Variants in COL7A1 observed in about 807,000 individuals in gnomAD.
COL7A1 encodes the protein collagen alpha-1(VII) chain.
COL7A1 carries 296 observed loss-of-function variants against 456.2 expected under a neutral mutation model. The ratio of observed to expected loss-of-function variants is 0.65; its 90% CI spans 0.59 to 0.71. The LOEUF is 0.71. COL7A1 is among the 30% of genes least tolerant of loss of function. The pLI is 0.00. For missense variants in COL7A1, 3,441 were observed against 4,017.2 expected, an observed-to-expected ratio of 0.86 and a Z score of 3.88; for synonymous variants, 1,464 against 1,525.9, an observed-to-expected ratio of 0.96 and a Z score of 0.95.
In COL7A1 at chr3:48,581,017, T is replaced by C. The variant is rs2044715677; in HGVS notation, c.4936-91A>G. 1 of 1,601,066 alleles carries C rather than the reference T, an allele frequency of 6.2e-7. No homozygotes were observed. Among genetic ancestry groups the C allele is most frequent in the Non-Finnish European group, 8.6e-7 (1 of 1,169,190 alleles). ...GACAGAGAAGGGTCTGAGCAGCAGC[T>C]GGACAGGAGGCAGGGAGTGGATGGA... On this transcript the variant is annotated intron_variant, in intron 53 of 118. Coordinates refer to ENST00000681320, the MANE Select transcript of COL7A1 (RefSeq NM_000094.4). The surrounding 1 kb of genome is among the most constrained non-coding windows in gnomAD (Gnocchi z 5.8).
At chr3:48,584,443 C>T in intron 36 of COL7A1, 42 bp downstream of exon 36, 1 of 1,613,312 alleles carries the variant, frequency 6.2e-7, no homozygotes, top group Non-Finnish European at 8.5e-7. Flanking sequence ...CGTGTTGGTC[C>T]CCCCACTACA....
chr3:48,589,064 G>A lies in COL7A1; in HGVS notation c.2315-69C>T. On this transcript the variant is annotated intron_variant, in intron 18 of 118. Transcript: ENST00000681320. ...AGGCAGTGCAGGAATGGTTGACGCAGGGGTGATCTGAAAGTCAGTGTGAGG... is the reference window on the plus strand; with the variant it reads ...AGGCAGTGCAGGAATGGTTGACGCAAGGGTGATCTGAAAGTCAGTGTGAGG... 3 of 1,608,224 alleles carry A rather than the reference G, an allele frequency of 1.9e-6. No homozygotes were observed. The South Asian group carries it at 3.3e-5, about 18-fold the overall frequency.
At position 48,565,593 on chromosome 3, in the gene COL7A1, G is replaced by C; in HGVS notation, c.8440+43C>G. ...AGGACCCCAGTTGATAGGCAGGGCA[G>C]GGCCTGGGGTGAAGAAAGTTCTGGG... On this transcript the variant is annotated intron_variant, in intron 115 of 118. Transcript: ENST00000681320. This position sits in a 1 kb window ranked among gnomAD's most constrained non-coding sequence, Gnocchi z 4.5. The C allele has an allele frequency of 2.5e-6, 4 of 1,614,140 alleles. No individual in the cohort carries two copies. The highest frequency in any genetic ancestry group is 3.4e-6 in the Non-Finnish European group (4 of 1,179,998).
rs2044024886 is a variant in COL7A1, at chr3:48,572,798, C to A, written c.6832-59G>T. On this transcript the variant is annotated intron_variant, in intron 87 of 118. Coordinates refer to ENST00000681320, the MANE Select transcript of COL7A1 (RefSeq NM_000094.4). The surrounding 1 kb of genome is among the most constrained non-coding windows in gnomAD (Gnocchi z 4.6). ...CTCCACCACCACCCCTGCTGCCCCA[C>A]TCCTCATATTTCAGGCCCACAGCTG... 1.2e-6 allele frequency: 2 copies of A among 1,611,376 alleles called. No individual in the cohort carries two copies. Among genetic ancestry groups the A allele is most frequent in the African/African-American group, 1.3e-5 (1 of 74,782 alleles).
At position 48,573,549 on chromosome 3, in the gene COL7A1, A is replaced by T. The variant is rs1340647253; in HGVS notation, c.6582T>A (p.Ala2194=). 1.2e-6 allele frequency: 2 copies of T among 1,614,104 alleles called. No individual in the cohort carries two copies. The highest frequency in any genetic ancestry group is 1.7e-6 in the Non-Finnish European group (2 of 1,180,012). ...DPGPPGAPGL[A]GPAGPQGPSG... ...AAGGTCCTTGGGGTCCTGCAGGGCC[A>T]GCAAGACCCTAGAGAAAAGGGTCAA... is the stretch of plus-strand genomic sequence containing the variant. The change falls in exon 83 of 119, where the codon GCT becomes GCA. Residue 2194 remains alanine, a synonymous_variant. Transcript: ENST00000681320. The surrounding 1 kb of genome is among the most constrained non-coding windows in gnomAD (Gnocchi z 5.5).
At position 48,587,907 on chromosome 3, in the gene COL7A1, C is replaced by G; in HGVS notation, c.2743G>C (p.Glu915Gln). Reference protein sequence around the residue: ...GQEQSRVLGPELSSYHLDGLE... With the variant: ...GQEQSRVLGPQLSSYHLDGLE... ...CCGTCCAGGTGATAGCTGCTGAGCT[C>G]GGGCCCCAGGACCCGGGACTGTTCC... is the stretch of plus-strand genomic sequence containing the variant. Residue 915 changes from glutamate (E) to glutamine (Q), a missense_variant, in exon 22 of 119, where the codon GAG becomes CAG. Physicochemically the swap from Glu to Gln is conservative, Grantham distance 29. Around this residue, in one of 3 missense-constraint regions of COL7A1, gnomAD observed 444 missense variants for 427.6 expected, o/e 1.04. Coordinates refer to ENST00000681320, the MANE Select transcript of COL7A1 (RefSeq NM_000094.4). The surrounding 1 kb of genome is among the most constrained non-coding windows in gnomAD (Gnocchi z 6.1). The G allele has an allele frequency of 3.7e-6, 6 of 1,605,442 alleles. No homozygotes were observed. Among genetic ancestry groups the G allele is most frequent in the Non-Finnish European group, 5.1e-6 (6 of 1,176,464 alleles).
Position 48,589,182 on chromosome 3 carries a change from G to T in COL7A1, c.2314+145C>A, listed in dbSNP as rs1321241660. On this transcript the variant is annotated intron_variant, in intron 18 of 118. Coordinates refer to ENST00000681320, the MANE Select transcript of COL7A1 (RefSeq NM_000094.4). ...TGGGGCCACCAGGAGGTCACCGTGG[G>T]TGGACACTTAATCAGTGTGGGGTGG... 4 of 1,451,580 alleles carry T rather than the reference G, an allele frequency of 2.8e-6. No individual in the cohort carries two copies. In the South Asian group the frequency reaches 4.7e-5, roughly 17 times the overall value. 89.9% of individuals were successfully genotyped at this position (1,451,580 alleles called of 1,614,324 possible).
Position 48,585,092 on chromosome 3 carries a change from G to A in COL7A1, c.3919C>T (p.Pro1307Ser), listed in dbSNP as rs1200305223. Reference sequence around the variant, plus strand: ...TTCCCGGCGCGGCCAGGGCTGCCTGGACGCCCATCTGCTCCAGGGAAGCCC... The same window carrying A: ...TTCCCGGCGCGGCCAGGGCTGCCTGAACGCCCATCTGCTCCAGGGAAGCCC... The part of the protein sequence containing the change: ...ERGFPGADGR[P>S]GSPGRAGNPG... The change falls in exon 33 of 119, where the codon CCA becomes TCA. Residue 1307 changes from proline to serine, a missense_variant. Physicochemically the swap from Pro to Ser is moderately conservative, Grantham distance 74. Around this residue, in one of 3 missense-constraint regions of COL7A1, gnomAD observed 2,084 missense variants for 2,501.3 expected, o/e 0.83. Coordinates refer to ENST00000681320, the MANE Select transcript of COL7A1 (RefSeq NM_000094.4). This position sits in a 1 kb window ranked among gnomAD's most constrained non-coding sequence, Gnocchi z 4.5. The A allele has an allele frequency of 1.9e-6, 3 of 1,611,858 alleles. No individual in the cohort carries two copies. The highest frequency in any genetic ancestry group is 2.5e-6 in the Non-Finnish European group (3 of 1,179,836).
At position 48,591,540 on chromosome 3, in the gene COL7A1, G is replaced by A. The variant is rs759275431; in HGVS notation, c.1560C>T (p.Pro520=). The stretch of plus-strand genomic sequence containing the variant: ...TCCAGGACACTCGCACCCGCTGCCC[G>A]GGCAGCTCGGTGGCTTGCAGGTCTG... ...PVTDLQATEL[P]GQRVRVSWSP... The change falls in exon 13 of 119, where the codon CCC becomes CCT. Residue 520 remains proline, a synonymous_variant. Coordinates refer to ENST00000681320, the MANE Select transcript of COL7A1 (RefSeq NM_000094.4). The surrounding 1 kb of genome is among the most constrained non-coding windows in gnomAD (Gnocchi z 7.0). 1.1e-5 allele frequency: 18 copies of A among 1,613,782 alleles called. No homozygotes were observed. The highest frequency in any genetic ancestry group is 9.3e-5 in the African/African-American group (7 of 74,894).
Position 48,590,258 on chromosome 3 carries a change from G to C in COL7A1, c.2005C>G (p.Arg669Gly). ...TTYQVAVSVL[R>G]GREEGPAAVI... ...GCAGCAGGGCCCTCCTCTCTGCCTC[G>C]CAGTACCGACACAGCCACCTGGTAG... is the stretch of plus-strand genomic sequence containing the variant. The change falls in exon 16 of 119, where the codon CGA becomes GGA. Residue 669 changes from arginine (R) to glycine (G), a missense_variant. Arg to Gly is a moderately radical substitution (Grantham distance 125, BLOSUM62 -2). This residue lies in a region of COL7A1 where 913 missense variants were observed against 1,088.2 expected (regional missense o/e 0.84). Coordinates refer to ENST00000681320, the MANE Select transcript of COL7A1 (RefSeq NM_000094.4). This position sits in a 1 kb window ranked among gnomAD's most constrained non-coding sequence, Gnocchi z 4.6. The C allele has an allele frequency of 6.2e-7, 1 of 1,613,858 alleles. No homozygotes were observed. Among genetic ancestry groups the C allele is most frequent in the South Asian group, 1.1e-5 (1 of 91,066 alleles).
In COL7A1 at chr3:48,564,808, G is replaced by T. The variant is rs370048035; in HGVS notation, c.8793C>A (p.Pro2931=). Residue 2931 remains proline (P), a synonymous_variant, in exon 118 of 119, where the codon CCC becomes CCA. Coordinates refer to ENST00000681320, the MANE Select transcript of COL7A1 (RefSeq NM_000094.4). The surrounding 1 kb of genome is among the most constrained non-coding windows in gnomAD (Gnocchi z 6.0). ...CTGTCCCCTGGCTCTGGACCACCCG[G>T]GGTGGGCAGCGGCGCTCGCAGGCCT... The part of the protein sequence containing the change: ...TREACERRCP[P]RVVQSQGTGT... 1.9e-6 allele frequency: 3 copies of T among 1,613,996 alleles called. No individual in the cohort carries two copies. Among genetic ancestry groups the T allele is most frequent in the Non-Finnish European group, 2.5e-6 (3 of 1,179,994 alleles).
At position 48,592,294 on chromosome 3, in the gene COL7A1, A is replaced by T; in HGVS notation, c.1094-46T>A. On this transcript the variant is annotated intron_variant, in intron 9 of 118. Transcript: ENST00000681320. This position sits in a 1 kb window ranked among gnomAD's most constrained non-coding sequence, Gnocchi z 7.6. ...GGCCAGTGGGCCTTGCAGACTCAGG[A>T]CTCTACAGCCTTGTCTGAGGCGCGG... is the stretch of plus-strand genomic sequence containing the variant. 1 of 1,613,236 alleles carries T rather than the reference A, an allele frequency of 6.2e-7. No individual in the cohort carries two copies. The highest frequency in any genetic ancestry group is 8.5e-7 in the Non-Finnish European group (1 of 1,179,870).
Position 48,591,983 on chromosome 3 carries a change from G to T in COL7A1, c.1272C>A (p.Val424=). Residue 424 remains valine (V), a synonymous_variant, in exon 11 of 119, where the codon GTC becomes GTA. Transcript: ENST00000681320. The surrounding 1 kb of genome is among the most constrained non-coding windows in gnomAD (Gnocchi z 7.0). ...DASVEQTLRP[V]ILGPTSILLS... is the part of the protein sequence containing the mutation. ...GGAGGATGGATGTGGGGCCCAGGAT[G>T]ACCGGGCGCAGGGTCTGCTCAACAG... 6.2e-7 allele frequency: 1 copy of T among 1,614,188 alleles called. No individual in the cohort carries two copies. The highest frequency in any genetic ancestry group is 1.1e-5 in the South Asian group (1 of 91,060).
In COL7A1 at chr3:48,590,963, G is replaced by A. The variant is rs2045655409; in HGVS notation, c.1637-147C>T. The A allele has an allele frequency of 2.2e-6, 2 of 896,362 alleles. No homozygotes were observed. Among genetic ancestry groups the A allele is most frequent in the Non-Finnish European group, 3.5e-6 (2 of 567,258 alleles). 55.5% of individuals were successfully genotyped at this position (896,362 alleles called of 1,614,324 possible). On this transcript the variant is annotated intron_variant, in intron 13 of 118. Transcript: ENST00000681320. The surrounding 1 kb of genome is among the most constrained non-coding windows in gnomAD (Gnocchi z 4.6). The stretch of plus-strand genomic sequence containing the variant: ...GGGACCAGAGAGCTGGGATATGGCT[G>A]AAAAAAGTGAGTGCAAGACAAGGAC...
In COL7A1 at chr3:48,581,378, C is replaced by T. The variant is rs1329418447; in HGVS notation, c.4819-38G>A. 14 of 1,613,564 alleles carry T rather than the reference C, an allele frequency of 8.7e-6. No individual in the cohort carries two copies. Among genetic ancestry groups the T allele is most frequent in the Middle Eastern group, 1.6e-4 (1 of 6,082 alleles). ...CAAGAGGGAGGTGATGCAGGACGCT[C>T]GAAGCAAGCAGTTCTCAAGGGGAGG... On this transcript the variant is annotated intron_variant, in intron 51 of 118. Transcript: ENST00000681320. This position sits in a 1 kb window ranked among gnomAD's most constrained non-coding sequence, Gnocchi z 5.8.
Position 48,587,620 on chromosome 3 carries a change from G to A in COL7A1, c.2858-66C>T. The A allele has an allele frequency of 1.2e-6, 2 of 1,610,914 alleles. No homozygotes were observed. Among genetic ancestry groups the A allele is most frequent in the Non-Finnish European group, 1.7e-6 (2 of 1,178,190 alleles). On this transcript the variant is annotated intron_variant, in intron 22 of 118. Transcript: ENST00000681320. The surrounding 1 kb of genome is among the most constrained non-coding windows in gnomAD (Gnocchi z 6.1). The stretch of plus-strand genomic sequence containing the variant: ...CTGAGAACCCAGAAGGGAGAGATCT[G>A]AGATCCTGGGTCCGGTTTGTCTTAT...
rs1559438088 is a variant in COL7A1, at chr3:48,592,638, T to C, written c.908A>G (p.Tyr303Cys). 1 of 1,613,962 alleles carries C rather than the reference T, an allele frequency of 6.2e-7. No individual in the cohort carries two copies. Among genetic ancestry groups the C allele is most frequent in the Middle Eastern group, 1.6e-4 (1 of 6,062 alleles). The change falls in exon 8 of 119, where the codon TAC becomes TGC. Residue 303 changes from tyrosine to cysteine, a missense_variant. Coordinates refer to ENST00000681320, the MANE Select transcript of COL7A1 (RefSeq NM_000094.4). This position sits in a 1 kb window ranked among gnomAD's most constrained non-coding sequence, Gnocchi z 7.6. ...RLRGLRPLTEYQVTVIALYAN... is the reference protein window; with the variant it reads ...RLRGLRPLTECQVTVIALYAN... The stretch of plus-strand genomic sequence containing the variant: ...GTAGAGGGCAATCACAGTCACTTGG[T>C]ACTCGGTCAGTGGCCGGAGACCCCG...
intron 65 of COL7A1, among the ~76,000 whole-genome samples, chr3:48,577,659 G>C (rs1259929715): frequency 1.3e-5 from 2 of 152,356 alleles, no homozygotes; most frequent in African/African-American, 4.8e-5. Flanking sequence ...CTTAGCACAT[G>C]AGTCTGGGTG....
rs2045155378 is a variant in COL7A1, at chr3:48,585,198, A to C, written c.3895-82T>G. ...GCTGGAGGGGCCTCACCCCATCAACAAGGGGTCGCCTACCCCACTGACCCC... is the reference window on the plus strand; with the variant it reads ...GCTGGAGGGGCCTCACCCCATCAACCAGGGGTCGCCTACCCCACTGACCCC... On this transcript the variant is annotated intron_variant, in intron 32 of 118. Transcript: ENST00000681320. The surrounding 1 kb of genome is among the most constrained non-coding windows in gnomAD (Gnocchi z 4.5). 2 of 1,401,466 alleles carry C rather than the reference A, an allele frequency of 1.4e-6. No individual in the cohort carries two copies. The highest frequency in any genetic ancestry group is 2.8e-5 in the African/African-American group (2 of 70,372). The allele number at this position is 1,401,466 out of a possible 1,614,324, so 86.8% of individuals were successfully genotyped here.
Sources: gnomAD v4.1 joint callset for allele counts (sites outside exome capture counted in the v4.1 genomes callset) on GRCh38, gnomAD v4.1.1 for gene constraint, gnomAD v4.1.1 regional missense constraint, Gnocchi (gnomAD v3.1) non-coding constraint, MANE v1.5 for transcripts, NCBI Gene and HGNC (gene_info 2026-07-23, HGNC 2026-07-21) for gene names.